The following ANO3 variants were observed in gnomAD, a reference collection of about 807,000 sequenced individuals.
ANO3 encodes the protein anoctamin 3, also known as anoctamin-3.
A neutral mutation model predicts 144.8 loss-of-function variants in ANO3; 99 were observed. That is an observed-to-expected ratio of 0.68 (90% confidence interval 0.58 to 0.81). The LOEUF (loss-of-function observed/expected upper bound fraction) is 0.81, where lower values mean the gene tolerates loss of function less well. ANO3 is among the 30% of genes least tolerant of loss of function. The pLI is 0.00. For synonymous variants in ANO3, 414 were observed against 392.6 expected, an observed-to-expected ratio of 1.05 and a Z score of -0.64; for missense variants, 905 against 1,202.2, an observed-to-expected ratio of 0.75 and a Z score of 3.66.
At chr11:26,549,732 T>C (rs1849882077) in intron 12 of ANO3, among the ~76,000 whole-genome samples, 1 of 151,854 alleles carries the variant, frequency 6.6e-6, no homozygotes, top group Admixed American at 6.6e-5. Flanking sequence ...TGGGAAAAGA[T>C]ACAGGAATTT....
At chr11:26,655,967 T>C (rs1853674546) in intron 24 of ANO3, among the ~76,000 whole-genome samples, 158 bp from the exon 25 acceptor site, 1 of 152,116 alleles carries the variant, frequency 6.6e-6, no homozygotes. Flanking sequence ...GGTACAATTA[T>C]GAGAGTTAGG....
chr11:26,623,035 T>G (rs1018115203), intron 17 of ANO3, among the ~76,000 whole-genome samples: 1 of 152,200 alleles, frequency 6.6e-6, no homozygotes, highest in Admixed American at 6.5e-5. Flanking sequence ...CCTGTTACAG[T>G]AGGAATCACC....
At chr11:26,516,723 T>A in intron 5 of ANO3, 104 bp from the exon 6 acceptor site, 1 of 666,274 alleles carries the variant, frequency 1.5e-6, no homozygotes, top group Non-Finnish European at 2.5e-6. Context: ...TCAGTGATCA[T>A]GCATAGTCAA....
At chr11:26,457,891 C>CT (rs562169507) in intron 3 of ANO3, among the ~76,000 whole-genome samples, 39 of 151,826 alleles carry the variant, frequency 2.6e-4, no homozygotes, top group Admixed American at 7.2e-4. Flanking sequence ...AAGCTGTTGT[C>CT]TTTTTTTTGT....
chr11:26,394,384 G>A (rs981566059), intron 1 of ANO3, among the ~76,000 whole-genome samples: 1 of 151,770 alleles, frequency 6.6e-6, no homozygotes, highest in Non-Finnish European at 1.5e-5. Context: ...TTACAAATGG[G>A]TTTAGAAAGT....
At chr11:26,550,045 A>T (rs1161199549) in intron 12 of ANO3, among the ~76,000 whole-genome samples, 2 of 151,776 alleles carry the variant, frequency 1.3e-5, no homozygotes, top group Admixed American at 1.3e-4. Flanking sequence ...ATCCCCATAC[A>T]AGATGAAGAA....
At chr11:26,525,915 G>C (rs1033269383) in intron 7 of ANO3, among the ~76,000 whole-genome samples, 1 of 151,824 alleles carries the variant, frequency 6.6e-6, no homozygotes, top group Non-Finnish European at 1.5e-5. Flanking sequence ...TAATGTTATG[G>C]AAGGAGGACT....
At chr11:26,359,874 C>CGTGTG (rs1398880536) in intron 1 of ANO3, among the ~76,000 whole-genome samples, 1 of 89,986 alleles carries the variant, frequency 1.1e-5, no homozygotes, top group Non-Finnish European at 2.1e-5. Context: ...CTATGTCAGA[C>CGTGTG]TAGTGTGTGT....
intron 1 of ANO3, among the ~76,000 whole-genome samples, chr11:26,345,782 C>T (rs1855482870): frequency 6.6e-6 from 1 of 152,128 alleles, no homozygotes; most frequent in Admixed American, 6.5e-5. Flanking sequence ...TACTGTGTGC[C>T]AATCATCACT....
At chr11:26,657,598 C>G (rs1326959183) in intron 26 of ANO3, among the ~76,000 whole-genome samples, 1 of 152,062 alleles carries the variant, frequency 6.6e-6, no homozygotes, top group East Asian at 1.9e-4. Flanking sequence ...AATTCCATTA[C>G]CCACCCATTC....
At chr11:26,484,717 C>T (rs1196325821) in intron 4 of ANO3, among the ~76,000 whole-genome samples, 1 of 152,150 alleles carries the variant, frequency 6.6e-6, no homozygotes, top group Non-Finnish European at 1.5e-5. Flanking sequence ...CACCTTATAC[C>T]TGGAAAAGCT....
intron 14 of ANO3, among the ~76,000 whole-genome samples, chr11:26,597,598 A>T (rs1263892757): frequency 6.6e-6 from 1 of 152,118 alleles, no homozygotes; most frequent in Non-Finnish European, 1.5e-5. Flanking sequence ...CACGGACCAG[A>T]AGAGTGTGCA....
chr11:26,524,875 C>A (rs374920715), intron 6 of ANO3, among the ~76,000 whole-genome samples: 1 of 152,118 alleles, frequency 6.6e-6, no homozygotes, highest in African/African-American at 2.4e-5. Flanking sequence ...TTATCTAAAT[C>A]TTATAATACT....
intron 1 of ANO3, among the ~76,000 whole-genome samples, chr11:26,363,637 A>G (rs184275815): frequency 2.6e-5 from 4 of 152,216 alleles, no homozygotes; most frequent in African/African-American, 9.6e-5. Context: ...CTTCAACATA[A>G]AGTTCGGGGA....
At chr11:26,377,447 A>G (rs1417737805) in intron 1 of ANO3, among the ~76,000 whole-genome samples, 1 of 152,136 alleles carries the variant, frequency 6.6e-6, no homozygotes, top group Non-Finnish European at 1.5e-5. Flanking sequence ...CTGTTAAACC[A>G]GAGAATCAAC....
intron 1 of ANO3, among the ~76,000 whole-genome samples, chr11:26,353,847 C>T (rs1855710235): frequency 6.6e-6 from 1 of 152,220 alleles, no homozygotes; most frequent in Non-Finnish European, 1.5e-5. Context: ...GGATTACAGG[C>T]ATGAGCCACC....
chr11:26,434,547 A>C (rs1858230145), intron 1 of ANO3, among the ~76,000 whole-genome samples: 1 of 151,980 alleles, frequency 6.6e-6, no homozygotes. Flanking sequence ...TTTCTAACTT[A>C]TTGATGTGGG....
intron 1 of ANO3, among the ~76,000 whole-genome samples, chr11:26,261,473 A>T (rs979302668): frequency 9.2e-5 from 14 of 152,170 alleles, no homozygotes; most frequent in African/African-American, 3.1e-4. Context: ...TGCTTTGATC[A>T]ATGCCCTGTT....
intron 1 of ANO3, among the ~76,000 whole-genome samples, chr11:26,369,814 T>C (rs1266183149): frequency 6.6e-6 from 1 of 152,202 alleles, no homozygotes; most frequent in Non-Finnish European, 1.5e-5. Flanking sequence ...ATCTTCCCAG[T>C]TTGGTGTAAC....
Sources: gnomAD v4.1 joint callset for allele counts (sites outside exome capture counted in the v4.1 genomes callset) on GRCh38, gnomAD v4.1.1 for gene constraint, MANE v1.5 for transcripts, NCBI Gene and HGNC (gene_info 2026-07-23, HGNC 2026-07-21) for gene names.